SUCO: variants seen among roughly 807,000 people sequenced by gnomAD.
SUCO encodes the protein SUN domain-containing ossification factor.
Under a neutral mutation model 148.1 loss-of-function variants are expected in SUCO, and 57 were observed. That is an observed-to-expected ratio of 0.38 (90% CI 0.31 to 0.48). The LOEUF (loss-of-function observed/expected upper bound fraction) is 0.48, where lower values mean the gene tolerates loss of function less well. Ranked by LOEUF, SUCO falls within the 20% of genes least tolerant of loss-of-function variation. The pLI is 0.96. For synonymous variants in SUCO, 470 were observed against 502.7 expected (o/e 0.93, Z 0.87); for missense variants, 1,331 against 1,468.2 (o/e 0.91, Z 1.53).
chr1:172,555,137 GGATCAA>G (rs1383076669), intron 3 of SUCO, among the ~76,000 whole-genome samples: 2 of 152,064 alleles, frequency 1.3e-5, no homozygotes, highest in Non-Finnish European at 2.9e-5. Flanking sequence ...GGGAATATGA[GGATCAA>G]GAGAACATAG....
At chr1:172,543,710 A>G (rs1571180636) in intron 1 of SUCO, among the ~76,000 whole-genome samples, 1 of 152,282 alleles carries the variant, frequency 6.6e-6, no homozygotes, top group South Asian at 2.1e-4. Context: ...TTTAATTAGA[A>G]ACAGGCACTA....
In SUCO at chr1:172,588,788, G is replaced by A. The variant is rs1446980443; in HGVS notation, c.1687G>A (p.Asp563Asn). 1 of 1,553,344 alleles carries A rather than the reference G, an allele frequency of 6.4e-7. No individual in the cohort carries two copies. The highest frequency in any genetic ancestry group is 1.4e-5 in the African/African-American group (1 of 72,702). ...EYVTTEVHTH[D>N]MEPSTPDTPK... ...TGTAACCACTGAAGTACACACACAT[G>A]ACATGGAGCCGTCAACACCAGATAC... The change falls in exon 18 of 24, where the codon GAC becomes AAC. Residue 563 changes from aspartate (D) to asparagine (N), a missense_variant. By Grantham distance (23) the Asp-to-Asn change is conservative. This residue lies in a region of SUCO where 992 missense variants were observed against 1,093.5 expected (regional missense o/e 0.91). Transcript: ENST00000263688.
At chr1:172,534,548 A>G (rs764394595) in intron 1 of SUCO, among the ~76,000 whole-genome samples, 32 of 152,192 alleles carry the variant, frequency 2.1e-4, no homozygotes, top group Non-Finnish European at 3.4e-4. Context: ...AGGGGAAGAG[A>G]AAACACTCGC....
Position 172,533,302 on chromosome 1 carries a change from C to A in SUCO, c.-134C>A, listed in dbSNP as rs1257668157. ...GGACGCGAGCCACTGAGGAGCCGCT[C>A]AGCCAGCGCCATAGCCCTTAGGACT... On this transcript the variant is annotated 5_prime_UTR_variant, in exon 1 of 24. Coordinates refer to ENST00000263688, the MANE Select transcript of SUCO (RefSeq NM_014283.5). 1 of 1,550,510 alleles carries A rather than the reference C, an allele frequency of 6.4e-7. No individual in the cohort carries two copies. Among genetic ancestry groups the A allele is most frequent in the Non-Finnish European group, 8.7e-7 (1 of 1,146,966 alleles).
chr1:172,575,476 T>C (rs1443775113), intron 10 of SUCO, 42 bp from the exon 11 acceptor site: 2 of 1,399,720 alleles, frequency 1.4e-6, no homozygotes, highest in African/African-American at 1.5e-5. Context: ...CAATATGTGG[T>C]TTATAATTTT....
chr1:172,574,349 G>A (rs897551071), intron 10 of SUCO, among the ~76,000 whole-genome samples: 2 of 152,060 alleles, frequency 1.3e-5, no homozygotes, highest in Non-Finnish European at 2.9e-5. Flanking sequence ...CAGTCATTAT[G>A]CTGTCTTGTT....
intron 7 of SUCO, 139 bp downstream of exon 7, chr1:172,569,281 G>A: frequency 9.4e-7 from 1 of 1,058,786 alleles, no homozygotes; most frequent in Non-Finnish European, 1.2e-6. Context: ...CCAAGTTGCT[G>A]TTGATCCATC....
intron 11 of SUCO, 49 bp downstream of exon 11, chr1:172,575,672 T>A: frequency 1.6e-6 from 2 of 1,269,014 alleles, no homozygotes; most frequent in Non-Finnish European, 2.3e-6. Context: ...AATATACGTG[T>A]TATTCACACT....
intron 1 of SUCO, among the ~76,000 whole-genome samples, chr1:172,538,221 G>A (rs967767136): frequency 1.3e-5 from 2 of 150,554 alleles, no homozygotes; most frequent in Non-Finnish European, 3.0e-5. Flanking sequence ...GTCCTAAGTC[G>A]TGGTCCCACT....
intron 2 of SUCO, 21 bp from the exon 3 acceptor site, chr1:172,553,239 T>G (rs765943396): frequency 1.6e-5 from 25 of 1,537,256 alleles, no homozygotes; most frequent in Middle Eastern, 1.7e-4. Context: ...TCAGGTGATT[T>G]TTGTTGTTGT....
intron 12 of SUCO, 76 bp from the exon 13 acceptor site, chr1:172,577,688 A>G: frequency 1.3e-6 from 2 of 1,575,420 alleles, no homozygotes; most frequent in East Asian, 4.5e-5. Flanking sequence ...TGTTATAATG[A>G]AAAAACTGAG....
chr1:172,609,941 T>C lies in SUCO; in HGVS notation c.3447T>C (p.Asn1149=), dbSNP rs1658109475. The C allele has an allele frequency of 6.2e-7, 1 of 1,613,896 alleles. No individual in the cohort carries two copies. The highest frequency in any genetic ancestry group is 1.6e-4 in the Middle Eastern group (1 of 6,062). The change falls in exon 24 of 24, where the codon AAT becomes AAC. Residue 1149 remains asparagine, a synonymous_variant. Coordinates refer to ENST00000263688, the MANE Select transcript of SUCO (RefSeq NM_014283.5). Reference sequence around the variant, plus strand: ...TTACGAACCAGAGAGATTTTTCTAATATGGGAGAAGTTTATCACTCTTCTT... The same window carrying C: ...TTACGAACCAGAGAGATTTTTCTAACATGGGAGAAGTTTATCACTCTTCTT... ...KPFTNQRDFS[N]MGEVYHSSYK...
chr1:172,590,895 C>G, intron 18 of SUCO, 89 bp from the exon 19 acceptor site: 2 of 866,780 alleles, frequency 2.3e-6, no homozygotes, highest in Non-Finnish European at 1.8e-6. Context: ...ATAGATTTGT[C>G]TCATATATCA....
At chr1:172,536,805 T>C (rs1652055163) in intron 1 of SUCO, among the ~76,000 whole-genome samples, 1 of 152,048 alleles carries the variant, frequency 6.6e-6, no homozygotes, top group Admixed American at 6.5e-5. Flanking sequence ...AGGCCACCTG[T>C]ATTCTGTGGC....
intron 23 of SUCO, chr1:172,609,085 T>C (rs1658044862): frequency 4.3e-6 from 1 of 230,486 alleles, no homozygotes; most frequent in South Asian, 1.6e-4. Flanking sequence ...AAATATTTAC[T>C]GTCTGACCCT....
At chr1:172,605,081 C>T (rs1445707038) in intron 22 of SUCO, among the ~76,000 whole-genome samples, 1 of 151,612 alleles carries the variant, frequency 6.6e-6, no homozygotes, top group African/African-American at 2.4e-5. Context: ...GGATTATAAC[C>T]CCCATTAGAT....
In SUCO at chr1:172,570,186, A is replaced by G. The variant is rs372162976; in HGVS notation, c.981+15A>G. ...CAGAAGCCAAGGTAGGTGTTTAAAT[A>G]TAAAATTTTGTATATATAGGAAATT... On this transcript the variant is annotated intron_variant, in intron 8 of 23. Transcript: ENST00000263688. The G allele has an allele frequency of 1.3e-5, 20 of 1,538,684 alleles. No individual in the cohort carries two copies. The highest frequency in any genetic ancestry group is 1.9e-5 in the Admixed American group (1 of 52,128).
At chr1:172,587,240 C>A (rs1656310973) in intron 17 of SUCO, among the ~76,000 whole-genome samples, 2 of 151,800 alleles carry the variant, frequency 1.3e-5, no homozygotes, top group South Asian at 4.1e-4. Flanking sequence ...GTCTTAAATT[C>A]TTTTTAATGC....
At chr1:172,577,848 GT>G in intron 13 of SUCO, 29 bp downstream of exon 13, 10 of 1,550,828 alleles carry the variant, frequency 6.4e-6, no homozygotes, top group Non-Finnish European at 8.8e-6. Context: ...CATTTATTGA[GT>G]TTTTAAAAAA....
Sources: gnomAD v4.1 joint callset for allele counts (sites outside exome capture counted in the v4.1 genomes callset) on GRCh38, gnomAD v4.1.1 for gene constraint, gnomAD v4.1.1 regional missense constraint, MANE v1.5 for transcripts, NCBI Gene and HGNC (gene_info 2026-07-23, HGNC 2026-07-21) for gene names.